Variants in AMPH observed in about 807,000 individuals in gnomAD.
The protein encoded by AMPH is amphiphysin.
AMPH carries 49 observed loss-of-function variants against 99.1 expected under a neutral mutation model. The observed-to-expected ratio is 0.49, with a 90% CI of 0.39 to 0.63. The LOEUF (loss-of-function observed/expected upper bound fraction) is 0.63, where lower values mean the gene tolerates loss of function less well. AMPH is among the 20% of genes least tolerant of loss of function. The probability of loss-of-function intolerance (pLI) is 0.00; values close to 1 mark genes in which losing one functional copy is unlikely to be tolerated. For missense variants in AMPH, 759 were observed against 863.4 expected, an observed-to-expected ratio of 0.88 and a Z score of 1.52; for synonymous variants, 314 against 317.3, an observed-to-expected ratio of 0.99 and a Z score of 0.11.
intron 17 of AMPH, among the ~76,000 whole-genome samples, chr7:38,402,702 G>A (rs774442445): frequency 3.3e-5 from 5 of 152,192 alleles, no homozygotes; most frequent in Non-Finnish European, 4.4e-5. Flanking sequence ...GGGTAGATGC[G>A]AGTTGTCTCT....
At chr7:38,535,073 T>G in intron 1 of AMPH, 62 bp from the exon 2 acceptor site, 1 of 1,425,700 alleles carries the variant, frequency 7.0e-7, no homozygotes, top group East Asian at 2.3e-5. Flanking sequence ...AGATGTGCAT[T>G]TTCTGTTAAT....
rs188653501 is a variant in AMPH at position 38,555,510 on chromosome 7, A to G, written c.70-20499T>C. Among the ~76,000 whole-genome samples the G allele has an allele frequency of 3.9e-5, 6 of 152,298 alleles. No individual in the cohort carries two copies. The East Asian group carries it at 1.2e-3, about 29-fold the overall frequency. On this transcript the variant is annotated intron_variant, in intron 1 of 20. Coordinates refer to ENST00000356264, the MANE Select transcript of AMPH (RefSeq NM_001635.4). ...CTGCAAGGGCTGGCCTTGACAAACA[A>G]AAATCTCCTCTGGAGGAATTTAACT...
At chr7:38,563,308 TTATTCTCAAATAC>T (rs1169179430) in intron 1 of AMPH, among the ~76,000 whole-genome samples, 1 of 152,202 alleles carries the variant, frequency 6.6e-6, no homozygotes, top group Non-Finnish European at 1.5e-5. Flanking sequence ...TTTCAATCAC[TTATTCTCAAATAC>T]TATTCTCAAA....
chr7:38,467,638 A>ATGTGTGTGTG (rs1039627542), intron 7 of AMPH, among the ~76,000 whole-genome samples: 2 of 38,434 alleles, frequency 5.2e-5, no homozygotes, highest in African/African-American at 1.2e-4. Flanking sequence ...TACAATGGAA[A>ATGTGTGTGTG]TATGTGTGTG....
intron 1 of AMPH, among the ~76,000 whole-genome samples, chr7:38,626,493 T>C (rs1202885598): frequency 1.3e-5 from 2 of 152,226 alleles, no homozygotes; most frequent in African/African-American, 4.8e-5. Flanking sequence ...GCTAGCCATA[T>C]GCAGAAAACA....
At chr7:38,508,160 AAACTT>A (rs1789401910) in intron 2 of AMPH, among the ~76,000 whole-genome samples, 1 of 152,220 alleles carries the variant, frequency 6.6e-6, no homozygotes, top group Non-Finnish European at 1.5e-5. Context: ...CTAAGGAACT[AAACTT>A]AGGGCAGCAG....
At chr7:38,461,970 T>A (rs1787467298) in intron 10 of AMPH, among the ~76,000 whole-genome samples, 1 of 152,232 alleles carries the variant, frequency 6.6e-6, no homozygotes, top group Non-Finnish European at 1.5e-5. Context: ...TATGATTTTT[T>A]TGGACTTTAG....
chr7:38,416,875 T>C (rs11978903), intron 17 of AMPH, among the ~76,000 whole-genome samples: 3,456 of 152,320 alleles, frequency 0.023, 114 homozygotes, highest in African/African-American at 0.079. Flanking sequence ...ATTTTTCTAC[T>C]TGATTAATGA....
intron 3 of AMPH, among the ~76,000 whole-genome samples, chr7:38,495,728 G>A (rs1788908084): frequency 6.6e-6 from 1 of 151,970 alleles, no homozygotes; most frequent in South Asian, 2.1e-4. Context: ...AAATTTTAGG[G>A]TTCCTAAGCC....
intron 11 of AMPH, among the ~76,000 whole-genome samples, chr7:38,437,732 A>G (rs1178052960): frequency 6.6e-6 from 1 of 152,018 alleles, no homozygotes; most frequent in East Asian, 1.9e-4. Flanking sequence ...TGAACCTGGG[A>G]GACGAAGGTT....
At chr7:38,505,997 A>C (rs1789311744) in intron 2 of AMPH, among the ~76,000 whole-genome samples, 1 of 152,188 alleles carries the variant, frequency 6.6e-6, no homozygotes, top group African/African-American at 2.4e-5. Context: ...AATGAAACTT[A>C]AGTGGAAGTA....
chr7:38,441,454 A>G (rs1786500914), intron 11 of AMPH, among the ~76,000 whole-genome samples: 1 of 152,124 alleles, frequency 6.6e-6, no homozygotes, highest in African/African-American at 2.4e-5. Context: ...GAAATGTAAC[A>G]TGATAAGCAG....
chr7:38,420,498 A>G lies in AMPH; in HGVS notation c.1272+1923T>C, dbSNP rs556036791. 1.1e-4 allele frequency among the ~76,000 whole-genome samples: 16 copies of G among 152,380 alleles called. 1 individual carries two copies. Among genetic ancestry groups the G allele is most frequent in the African/African-American group, 3.8e-4 (16 of 41,598 alleles). ...CTTCAGTAGCAGTCATTACACACTCAGAGAAGAGGTACATCCTTTACAGAT... is the reference window on the plus strand; with the variant it reads ...CTTCAGTAGCAGTCATTACACACTCGGAGAAGAGGTACATCCTTTACAGAT... On this transcript the variant is annotated intron_variant, in intron 16 of 20. Coordinates refer to ENST00000356264, the MANE Select transcript of AMPH (RefSeq NM_001635.4).
At chr7:38,455,867 T>A (rs1391172240) in intron 11 of AMPH, among the ~76,000 whole-genome samples, 2 of 152,232 alleles carry the variant, frequency 1.3e-5, no homozygotes, top group Non-Finnish European at 2.9e-5. Context: ...ACTGCCACTG[T>A]CATGGCCAGG....
chr7:38,556,514 A>C (rs1429257477), intron 1 of AMPH, among the ~76,000 whole-genome samples: 3 of 152,188 alleles, frequency 2.0e-5, no homozygotes, highest in Non-Finnish European at 4.4e-5. Context: ...CACTCACTGT[A>C]GTCCCGCAGT....
At chr7:38,554,191 A>G (rs1028585708) in intron 1 of AMPH, among the ~76,000 whole-genome samples, 1 of 152,200 alleles carries the variant, frequency 6.6e-6, no homozygotes, top group Non-Finnish European at 1.5e-5. Flanking sequence ...GCCCATGAAG[A>G]ATCTTGGATT....
At chr7:38,466,133 A>G in intron 8 of AMPH, 40 bp downstream of exon 8, 1 of 1,495,728 alleles carries the variant, frequency 6.7e-7, no homozygotes. Context: ...ACCTTCCTTT[A>G]CTTTATATTC....
At chr7:38,630,090 G>C (rs2129074329) in intron 1 of AMPH, among the ~76,000 whole-genome samples, 1 of 152,194 alleles carries the variant, frequency 6.6e-6, no homozygotes, top group African/African-American at 2.4e-5. Context: ...GTCTGAAGAG[G>C]GAAATTCATT....
intron 19 of AMPH, 56 bp from the exon 20 acceptor site, chr7:38,389,961 A>G: frequency 7.5e-7 from 1 of 1,337,824 alleles, no homozygotes; most frequent in Non-Finnish European, 1.1e-6. Flanking sequence ...TCAAGCAGAC[A>G]CTCTTACAAG....
Sources: gnomAD v4.1 joint callset for allele counts (sites outside exome capture counted in the v4.1 genomes callset) on GRCh38, gnomAD v4.1.1 for gene constraint, MANE v1.5 for transcripts, NCBI Gene and HGNC (gene_info 2026-07-23, HGNC 2026-07-21) for gene names.